Variants in PTPRG observed in about 807,000 individuals in gnomAD.
The protein encoded by PTPRG is protein tyrosine phosphatase receptor type G.
In PTPRG, 102 loss-of-function variants were observed where a neutral mutation model predicts 165.3. The ratio of observed to expected loss-of-function variants is 0.62; its 90% CI spans 0.53 to 0.73. PTPRG has a LOEUF of 0.73. Ranked by LOEUF, PTPRG falls within the 30% of genes least tolerant of loss-of-function variation. The pLI is 0.00. For synonymous variants in PTPRG, 675 were observed against 669.5 expected, an observed-to-expected ratio of 1.01 and a Z score of -0.13; for missense variants, 1,866 against 1,861.4, an observed-to-expected ratio of 1.00 and a Z score of -0.05.
At chr3:61,953,320 T>A (rs72885827) in intron 2 of PTPRG, among the ~76,000 whole-genome samples, 78 of 152,176 alleles carry the variant, frequency 5.1e-4, no homozygotes, top group African/African-American at 1.8e-3. Flanking sequence ...GGGGCAAAAA[T>A]AGAGAGAAAC....
chr3:61,638,159 A>G (rs1052056798), intron 1 of PTPRG, among the ~76,000 whole-genome samples: 1 of 152,224 alleles, frequency 6.6e-6, no homozygotes, highest in Non-Finnish European at 1.5e-5. Flanking sequence ...GCCTTATAAA[A>G]ACCAAAAAGG....
chr3:61,849,521 G>T (rs1211179927), intron 2 of PTPRG, among the ~76,000 whole-genome samples: 2 of 152,206 alleles, frequency 1.3e-5, no homozygotes, highest in Admixed American at 6.5e-5. Flanking sequence ...TTATGGGAAT[G>T]AGATTTACGC....
chr3:62,022,348 T>C (rs1043738388), intron 4 of PTPRG, among the ~76,000 whole-genome samples: 1 of 152,242 alleles, frequency 6.6e-6, no homozygotes, highest in Non-Finnish European at 1.5e-5. Context: ...GATCTTTTAG[T>C]TAAATCTAGT....
Position 62,039,860 on chromosome 3 carries a change from C to T in PTPRG, c.519+36363C>T, listed in dbSNP as rs1700070401. On this transcript the variant is annotated intron_variant, in intron 4 of 29. Transcript: ENST00000474889. ...TTTTTCCCCCAGCCACAGAGCAGTG[C>T]TAATCATTAAGTATGTTTAATAAAA... is the stretch of plus-strand genomic sequence containing the variant. Among the ~76,000 whole-genome samples, 3 of 152,158 alleles carry T rather than the reference C, an allele frequency of 2.0e-5. No individual in the cohort carries two copies. In the South Asian group the frequency reaches 6.2e-4, roughly 32 times the overall value.
chr3:61,640,961 C>T (rs75666020), intron 1 of PTPRG, among the ~76,000 whole-genome samples: 3 of 152,184 alleles, frequency 2.0e-5, no homozygotes, highest in East Asian at 1.9e-4. Flanking sequence ...GTTTGAGGTG[C>T]CTCTGAGGAA....
intron 1 of PTPRG, among the ~76,000 whole-genome samples, chr3:61,581,391 G>C (rs952752566): frequency 6.6e-6 from 1 of 152,142 alleles, no homozygotes; most frequent in Non-Finnish European, 1.5e-5. Context: ...AGAAGCCCTG[G>C]TTTTAGTAGC....
At chr3:61,744,762 G>A (rs574372660) in intron 1 of PTPRG, among the ~76,000 whole-genome samples, 42 of 152,250 alleles carry the variant, frequency 2.8e-4, no homozygotes, top group African/African-American at 9.4e-4. Context: ...GTGGTGCTGA[G>A]GTTAAAAGTC....
intron 5 of PTPRG, among the ~76,000 whole-genome samples, chr3:62,088,252 AC>A (rs1701815238): frequency 6.6e-6 from 1 of 152,196 alleles, no homozygotes; most frequent in Non-Finnish European, 1.5e-5. Flanking sequence ...GTCCTCCACA[AC>A]CAACAGTTAG....
intron 2 of PTPRG, among the ~76,000 whole-genome samples, chr3:61,987,145 T>G (rs1028808166): frequency 3.9e-5 from 6 of 152,212 alleles, no homozygotes; most frequent in Non-Finnish European, 5.9e-5. Flanking sequence ...CTATTTCCTC[T>G]GCTAATGACA....
At chr3:61,873,389 T>C (rs1184911942) in intron 2 of PTPRG, among the ~76,000 whole-genome samples, 2 of 152,128 alleles carry the variant, frequency 1.3e-5, no homozygotes, top group Non-Finnish European at 2.9e-5. Context: ...TTAAAACATC[T>C]GATACAGAAA....
At chr3:61,576,174 C>T (rs1700169331) in intron 1 of PTPRG, among the ~76,000 whole-genome samples, 1 of 152,128 alleles carries the variant, frequency 6.6e-6, no homozygotes. Flanking sequence ...ACAGGGCTAC[C>T]AGGAAGAGGT....
intron 28 of PTPRG, among the ~76,000 whole-genome samples, chr3:62,286,494 C>T (rs893928516): frequency 2.6e-5 from 4 of 151,918 alleles, no homozygotes; most frequent in Non-Finnish European, 5.9e-5. Context: ...TGGTTAAATG[C>T]TCACAGGTAT....
chr3:61,959,765 A>G (rs1297672379), intron 2 of PTPRG, among the ~76,000 whole-genome samples: 3 of 152,202 alleles, frequency 2.0e-5, no homozygotes, highest in African/African-American at 7.2e-5. Flanking sequence ...TCTGAAATTT[A>G]CCCTCTACAC....
chr3:61,906,183 G>A (rs889431209), intron 2 of PTPRG, among the ~76,000 whole-genome samples: 2 of 151,794 alleles, frequency 1.3e-5, no homozygotes, highest in African/African-American at 2.4e-5. Context: ...GGCTGGGCTC[G>A]GTGGCTCATA....
At chr3:61,604,305 CAG>C (rs1437289650) in intron 1 of PTPRG, among the ~76,000 whole-genome samples, 4 of 152,226 alleles carry the variant, frequency 2.6e-5, no homozygotes, top group Admixed American at 6.5e-5. Flanking sequence ...ACCTAGGTGA[CAG>C]GGTGAGACTC....
At chr3:61,836,699 AG>A (rs1367795049) in intron 2 of PTPRG, among the ~76,000 whole-genome samples, 1 of 151,840 alleles carries the variant, frequency 6.6e-6, no homozygotes, top group Non-Finnish European at 1.5e-5. Flanking sequence ...AAATGGGTGA[AG>A]TTCTGTTTGA....
At chr3:61,774,349 C>T (rs764906955) in intron 2 of PTPRG, among the ~76,000 whole-genome samples, 1 of 152,162 alleles carries the variant, frequency 6.6e-6, no homozygotes, top group Non-Finnish European at 1.5e-5. Context: ...ATCATTTTTG[C>T]AGACGATTGC....
intron 4 of PTPRG, among the ~76,000 whole-genome samples, chr3:62,045,021 C>T (rs1700244660): frequency 1.3e-5 from 2 of 152,030 alleles, no homozygotes; most frequent in African/African-American, 4.8e-5. Context: ...TTTTAATTTG[C>T]ATTCATTGTA....
At chr3:61,848,287 G>A (rs1398974091) in intron 2 of PTPRG, among the ~76,000 whole-genome samples, 1 of 152,188 alleles carries the variant, frequency 6.6e-6, no homozygotes, top group Non-Finnish European at 1.5e-5. Flanking sequence ...GTGACTGCTG[G>A]GTGGGGCTGA....
Sources: gnomAD v4.1 joint callset for allele counts (sites outside exome capture counted in the v4.1 genomes callset) on GRCh38, gnomAD v4.1.1 for gene constraint, MANE v1.5 for transcripts, NCBI Gene and HGNC (gene_info 2026-07-23, HGNC 2026-07-21) for gene names.